The following RYR3 variants were observed in gnomAD, a reference collection of about 807,000 sequenced individuals.
The protein encoded by RYR3 is brain ryanodine receptor-calcium release channel.
Under a neutral mutation model 584.3 loss-of-function variants are expected in RYR3, and 207 were observed. That is an observed-to-expected ratio of 0.35 (90% CI 0.32 to 0.40). The LOEUF (loss-of-function observed/expected upper bound fraction) is 0.40, where lower values mean the gene tolerates loss of function less well. RYR3 is among the 10% of genes least tolerant of loss of function. RYR3 has a pLI of 1.00. For synonymous variants in RYR3, 2,416 were observed against 2,248.5 expected (o/e 1.07, Z -2.11); for missense variants, 5,616 against 6,089.2 (o/e 0.92, Z 2.59).
At chr15:33,774,604 A>G (rs1267734150) in intron 64 of RYR3, among the ~76,000 whole-genome samples, 1 of 152,178 alleles carries the variant, frequency 6.6e-6, no homozygotes, top group Non-Finnish European at 1.5e-5. Flanking sequence ...GAAACCAAAA[A>G]ATGTTGTAGA....
chr15:33,430,625 C>T (rs557254847), intron 1 of RYR3, among the ~76,000 whole-genome samples: 14 of 152,246 alleles, frequency 9.2e-5, no homozygotes, highest in African/African-American at 2.9e-4. Flanking sequence ...CATTTGGTGG[C>T]GATGTGGGTT....
At chr15:33,695,842 G>A (rs2065810391) in intron 38 of RYR3, among the ~76,000 whole-genome samples, 1 of 150,654 alleles carries the variant, frequency 6.6e-6, no homozygotes, top group East Asian at 1.9e-4. Context: ...CTGCAGTGCA[G>A]TGATGCAGTG....
At position 33,566,022 on chromosome 15, in the gene RYR3, A is replaced by T. The variant is rs547358295; in HGVS notation, c.1147-656A>T. Reference sequence around the variant, plus strand: ...CCCTCTAAGATAAGTCTATTTGCAGATGGTGAAATCCAAAGCAAATGGGGT... The same window carrying T: ...CCCTCTAAGATAAGTCTATTTGCAGTTGGTGAAATCCAAAGCAAATGGGGT... On this transcript the variant is annotated intron_variant, in intron 11 of 103. Coordinates refer to ENST00000634891, the MANE Select transcript of RYR3 (RefSeq NM_001036.6). 1.1e-4 allele frequency among the ~76,000 whole-genome samples: 16 copies of T among 152,356 alleles called. No individual in the cohort carries two copies. The East Asian group carries it at 3.1e-3, about 29-fold the overall frequency.
intron 2 of RYR3, among the ~76,000 whole-genome samples, chr15:33,479,058 A>G (rs146891449): frequency 1.3e-5 from 2 of 151,170 alleles, no homozygotes; most frequent in East Asian, 1.9e-4. Context: ...TTCAAATCCA[A>G]TGGAAATTTT....
Position 33,566,861 on chromosome 15 carries a change from C to A in RYR3, c.1268+62C>A, listed in dbSNP as rs536740879. The A allele has an allele frequency of 5.9e-4, 923 of 1,563,192 alleles. 10 individuals are homozygous for A. In the South Asian group the frequency reaches 9.6e-3, roughly 16 times the overall value. ...TGACTCTGTGGCCTGCCAACACCAC[C>A]ACCCACCTCCTTTTGATACTGTGAA... On this transcript the variant is annotated intron_variant, in intron 12 of 103. Transcript: ENST00000634891.
chr15:33,817,701 T>A (rs1414034763), intron 75 of RYR3, among the ~76,000 whole-genome samples: 4 of 152,230 alleles, frequency 2.6e-5, no homozygotes, highest in African/African-American at 4.8e-5. Flanking sequence ...TTGTTTTCTT[T>A]CCCTTTGTCT....
At chr15:33,751,836 T>G (rs2152852497) in intron 57 of RYR3, among the ~76,000 whole-genome samples, 1 of 152,252 alleles carries the variant, frequency 6.6e-6, no homozygotes, top group Admixed American at 6.5e-5. Context: ...ATTGCCTAGG[T>G]TTTCTTCTAG....
At chr15:33,501,297 GCTCCTGT>G (rs1376484439) in intron 2 of RYR3, among the ~76,000 whole-genome samples, 4 of 150,570 alleles carry the variant, frequency 2.7e-5, no homozygotes, top group African/African-American at 7.5e-5. Context: ...GACAAGGAGA[GCTCCTGT>G]CTCCTGTCTC....
intron 1 of RYR3, among the ~76,000 whole-genome samples, chr15:33,391,042 C>A (rs570151647): frequency 6.6e-6 from 1 of 152,114 alleles, no homozygotes; most frequent in Non-Finnish European, 1.5e-5. Context: ...TGCTGAGTCC[C>A]GTGACTCCCT....
chr15:33,436,627 A>C (rs1247480705), intron 1 of RYR3, among the ~76,000 whole-genome samples: 1 of 151,730 alleles, frequency 6.6e-6, no homozygotes, highest in Admixed American at 6.6e-5. Flanking sequence ...CAGGCTCCCA[A>C]GTAGCTGGGA....
intron 27 of RYR3, among the ~76,000 whole-genome samples, chr15:33,642,408 G>C (rs2061881720): frequency 6.6e-6 from 1 of 152,104 alleles, no homozygotes; most frequent in Non-Finnish European, 1.5e-5. Flanking sequence ...TGGTTTTCTT[G>C]GTCTAGTTAC....
chr15:33,723,366 AAAT>A (rs1471029775), intron 44 of RYR3, among the ~76,000 whole-genome samples: 1 of 152,216 alleles, frequency 6.6e-6, no homozygotes, highest in Non-Finnish European at 1.5e-5. Context: ...ATAAATAAAT[AAAT>A]AAATAAACCA....
At position 33,542,235 on chromosome 15, in the gene RYR3, T is replaced by C. The variant is rs2055880819; in HGVS notation, c.646+1345T>C. 2.0e-5 allele frequency among the ~76,000 whole-genome samples: 3 copies of C among 152,184 alleles called. No individual in the cohort carries two copies. In the South Asian group the frequency reaches 6.2e-4, roughly 32 times the overall value. On this transcript the variant is annotated intron_variant, in intron 7 of 103. Transcript: ENST00000634891. ...GCTGCTTTCCTGACTATGGCCCTGA[T>C]AGATTTCAGTTAAGAAAAGTCATGA...
intron 102 of RYR3, among the ~76,000 whole-genome samples, chr15:33,863,207 A>C (rs1254419573): frequency 6.6e-6 from 1 of 152,104 alleles, no homozygotes; most frequent in East Asian, 1.9e-4. Context: ...CTCCCACCTA[A>C]AATGGTGCTT....
chr15:33,359,120 G>A (rs1974384849), intron 1 of RYR3, among the ~76,000 whole-genome samples: 2 of 152,020 alleles, frequency 1.3e-5, no homozygotes, highest in Non-Finnish European at 2.9e-5. Context: ...TTGCTCCAAC[G>A]GTGTGATAGT....
At chr15:33,379,415 T>G (rs975437140) in intron 1 of RYR3, among the ~76,000 whole-genome samples, 4 of 152,170 alleles carry the variant, frequency 2.6e-5, no homozygotes, top group African/African-American at 9.7e-5. Context: ...TGGTTACAGT[T>G]TAGTGCCTGT....
At chr15:33,531,278 A>C (rs1326478023) in intron 4 of RYR3, among the ~76,000 whole-genome samples, 1 of 152,020 alleles carries the variant, frequency 6.6e-6, no homozygotes, top group African/African-American at 2.4e-5. Context: ...ATGATGCCTC[A>C]ATGTAACTTG....
chr15:33,864,085 A>C, intron 102 of RYR3, 53 bp from the exon 103 acceptor site: 1 of 1,368,158 alleles, frequency 7.3e-7, no homozygotes, highest in Non-Finnish European at 1.0e-6. Flanking sequence ...AATCCATGCG[A>C]ATGAACTTGG....
chr15:33,372,752 C>T (rs1369724123), intron 1 of RYR3, among the ~76,000 whole-genome samples: 3 of 151,942 alleles, frequency 2.0e-5, no homozygotes, highest in African/African-American at 4.8e-5. Flanking sequence ...GCAATCCACC[C>T]ACCTTGGCCT....
Sources: gnomAD v4.1 joint callset for allele counts (sites outside exome capture counted in the v4.1 genomes callset) on GRCh38, gnomAD v4.1.1 for gene constraint, MANE v1.5 for transcripts, NCBI Gene and HGNC (gene_info 2026-07-23, HGNC 2026-07-21) for gene names.